QTRT1: variants seen among roughly 807,000 people sequenced by gnomAD.
QTRT1 encodes queuine tRNA-ribosyltransferase catalytic subunit 1, also known as TGT, 43-KD subunit.
In QTRT1, 41 loss-of-function variants were observed where a neutral mutation model predicts 44.0. The ratio of observed to expected loss-of-function variants is 0.93; its 90% confidence interval spans 0.73 to 1.21. The LOEUF (loss-of-function observed/expected upper bound fraction) is 1.21, where lower values mean the gene tolerates loss of function less well. Among genes scored for constraint, QTRT1 ranks in the 50% most tolerant of loss-of-function variants. The probability of loss-of-function intolerance (pLI) is 0.00; values close to 1 mark genes in which losing one functional copy is unlikely to be tolerated. For synonymous variants in QTRT1, 226 were observed against 237.1 expected (o/e 0.95, Z 0.43); for missense variants, 542 against 575.8 (o/e 0.94, Z 0.60).
chr19:10,704,701 C>A (rs561197039), intron 3 of QTRT1, among the ~76,000 whole-genome samples: 3 of 152,164 alleles, frequency 2.0e-5, no homozygotes, highest in African/African-American at 7.2e-5. Context: ...GATTCTCCTG[C>A]CTCAGCCTCC....
intron 5 of QTRT1, among the ~76,000 whole-genome samples, chr19:10,710,581 C>T (rs1041303154): frequency 6.6e-6 from 1 of 151,956 alleles, no homozygotes; most frequent in African/African-American, 2.4e-5. Context: ...TCCCAAAGTG[C>T]TGGGATTACA....
chr19:10,713,229 G>T lies in QTRT1; in HGVS notation c.1171G>T (p.Ala391Ser). 1 of 1,603,412 alleles carries T rather than the reference G, an allele frequency of 6.2e-7. No individual in the cohort carries two copies. The highest frequency in any genetic ancestry group is 8.5e-7 in the Non-Finnish European group (1 of 1,174,874). The change falls in exon 10 of 10, where the codon GCC becomes TCC. Residue 391 changes from alanine (A) to serine (S), a missense_variant. Coordinates refer to ENST00000250237, the MANE Select transcript of QTRT1 (RefSeq NM_031209.3). The surrounding 1 kb of genome is among the most constrained non-coding windows in gnomAD (Gnocchi z 4.3). ...YGDPTLCPTW[A>S]TDALASVGIT... ...GGATCCCACCCTCTGTCCCACCTGG[G>T]CCACTGACGCTCTGGCCTCTGTGGG...
chr19:10,707,197 A>G (rs911070425), intron 3 of QTRT1, 105 bp from the exon 4 acceptor site: 2 of 1,113,418 alleles, frequency 1.8e-6, no homozygotes, highest in Non-Finnish European at 2.7e-6. Context: ...AAGACGGGGG[A>G]TGGGGGGATG....
chr19:10,712,436 TC>T lies in QTRT1; in HGVS notation c.786-114del. 6.9e-7 allele frequency: 1 copy of T among 1,438,978 alleles called. No individual in the cohort carries two copies. Among genetic ancestry groups the T allele is most frequent in the Non-Finnish European group, 9.7e-7 (1 of 1,032,618 alleles). The allele number at this position is 1,438,978 out of a possible 1,614,324, so 89.1% of individuals were successfully genotyped here. ...TGAGGAGACTAGGAAGACATGGCTG[TC>T]CCTTGGGGGCCATTCTGAGGGAATA... On this transcript the variant is annotated intron_variant, in intron 6 of 9. Transcript: ENST00000250237. The surrounding 1 kb of genome is among the most constrained non-coding windows in gnomAD (Gnocchi z 5.6).
chr19:10,709,854 A>G (rs1416515125), intron 5 of QTRT1, among the ~76,000 whole-genome samples: 1 of 151,934 alleles, frequency 6.6e-6, no homozygotes, highest in Non-Finnish European at 1.5e-5. Context: ...ATCTCAAAAA[A>G]AAAAAAATTA....
rs769379843 is a variant in QTRT1, at chr19:10,712,622, G to T, written c.855G>T (p.Arg285=). 7 of 1,610,118 alleles carry T rather than the reference G, an allele frequency of 4.3e-6. No individual in the cohort carries two copies. The African/African-American group carries it at 9.5e-5, about 22-fold the overall frequency. Residue 285 remains arginine, a synonymous_variant, in exon 7 of 10, where the codon CGG becomes CGT. Transcript: ENST00000250237. This position sits in a 1 kb window ranked among gnomAD's most constrained non-coding sequence, Gnocchi z 5.6. ...TGTTCGACTGCGTCTTCCCCACACGGACAGCGGTGAGGCTCTGGCAGAAGG... is the reference window on the plus strand; with the variant it reads ...TGTTCGACTGCGTCTTCCCCACACGTACAGCGGTGAGGCTCTGGCAGAAGG... The part of the protein sequence containing the change: ...CDMFDCVFPT[R]TARFGSALVP...
chr19:10,712,877 A>T lies in QTRT1; in HGVS notation c.971+10A>T, dbSNP rs2068745456. 6.2e-7 allele frequency: 1 copy of T among 1,613,138 alleles called. No individual in the cohort carries two copies. Among genetic ancestry groups the T allele is most frequent in the African/African-American group, 1.3e-5 (1 of 74,924 alleles). The stretch of plus-strand genomic sequence containing the variant: ...GCCCCACGTGCCAAAAGTAGGCAGG[A>T]TGGCACTGGGAGCTGGGGCAGGGCA... On this transcript the variant is annotated intron_variant, in intron 8 of 9. Coordinates refer to ENST00000250237, the MANE Select transcript of QTRT1 (RefSeq NM_031209.3). This position sits in a 1 kb window ranked among gnomAD's most constrained non-coding sequence, Gnocchi z 5.6.
rs141223779 is a variant in QTRT1 at position 10,712,195 on chromosome 19, C to T, written c.681C>T (p.Ile227=). The part of the protein sequence containing the change: ...MTKRDVPGFA[I]GGLSGGESKS... ...AGCGAGACGTGCCTGGCTTCGCCAT[C>T]GGGGGCCTGAGCGGGGGTGAGAGCA... The change falls in exon 6 of 10, where the codon ATC becomes ATT. Residue 227 remains isoleucine, a synonymous_variant. Transcript: ENST00000250237. This position sits in a 1 kb window ranked among gnomAD's most constrained non-coding sequence, Gnocchi z 5.6. 413 of 1,613,760 alleles carry T rather than the reference C, an allele frequency of 2.6e-4. No homozygotes were observed. The highest frequency in any genetic ancestry group is 2.5e-3 in the African/African-American group (186 of 75,064).
intron 3 of QTRT1, 82 bp from the exon 4 acceptor site, chr19:10,707,220 T>G: frequency 2.1e-6 from 3 of 1,405,804 alleles, no homozygotes; most frequent in South Asian, 2.3e-5. Flanking sequence ...CTTGGGGAAG[T>G]CCAACTTGTC....
chr19:10,702,623 G>A lies in QTRT1; in HGVS notation c.451+369G>A, dbSNP rs118137481. 1.5e-4 allele frequency among the ~76,000 whole-genome samples: 23 copies of A among 151,922 alleles called. No homozygotes were observed. The East Asian group carries it at 4.2e-3, about 28-fold the overall frequency. On this transcript the variant is annotated intron_variant, in intron 3 of 9. Transcript: ENST00000250237. ...GTTGGAGACCAGCTTGGGCAATACA[G>A]GGAGACCCTGTCTCTACCAAAATAA...
At chr19:10,704,344 A>C (rs907724978) in intron 3 of QTRT1, among the ~76,000 whole-genome samples, 2 of 151,948 alleles carry the variant, frequency 1.3e-5, no homozygotes, top group African/African-American at 4.8e-5. Context: ...CCCAGGCTGG[A>C]GTGCGGTGGC....
At position 10,701,940 on chromosome 19, in the gene QTRT1, A is replaced by G; in HGVS notation, c.244-10A>G. 1 of 1,614,126 alleles carries G rather than the reference A, an allele frequency of 6.2e-7. No individual in the cohort carries two copies. Among genetic ancestry groups the G allele is most frequent in the South Asian group, 1.1e-5 (1 of 91,092 alleles). On this transcript the variant is annotated splice_polypyrimidine_tract_variant and intron_variant, in intron 1 of 9. Transcript: ENST00000250237. ...CACCCCTAACCTGACACTTTCTTCC[A>G]TCAACCCAGGGACCCGAGCTGATCC...
chr19:10,707,270 TC>T, intron 3 of QTRT1, 31 bp from the exon 4 acceptor site: 1 of 1,611,870 alleles, frequency 6.2e-7, no homozygotes, highest in Non-Finnish European at 8.5e-7. Flanking sequence ...TTGCGGGCTT[TC>T]CCAGTGATGT....
rs200161085 is a variant in QTRT1, at chr19:10,707,620, A to G, written c.646+5A>G. On this transcript the variant is annotated splice_donor_5th_base_variant and intron_variant, in intron 5 of 9. Transcript: ENST00000250237. ...TCCGGGCCACCTGCCTTGAAGGTAG[A>G]GCCATGCGCTGGCAGGCCCAGGGCT... is the stretch of plus-strand genomic sequence containing the variant. The G allele has an allele frequency of 3.2e-5, 51 of 1,586,414 alleles. No individual in the cohort carries two copies. In the East Asian group the frequency reaches 1.1e-3, roughly 36 times the overall value.
chr19:10,708,646 G>C (rs1265281143), intron 5 of QTRT1, among the ~76,000 whole-genome samples: 1 of 151,868 alleles, frequency 6.6e-6, no homozygotes, highest in Non-Finnish European at 1.5e-5. Flanking sequence ...GATCCGACCA[G>C]AGTTGGAGCT....
intron 5 of QTRT1, among the ~76,000 whole-genome samples, chr19:10,710,117 G>A (rs940718408): frequency 4.0e-5 from 6 of 151,132 alleles, no homozygotes; most frequent in Non-Finnish European, 8.9e-5. Flanking sequence ...CCCAGGGGTT[G>A]GTGGCTGCAG....
chr19:10,701,533 C>A lies in QTRT1; in HGVS notation c.73C>A (p.Arg25Ser). The part of the protein sequence containing the change: ...RIMRLVAECS[R>S]SRARAGELWL... ...CATGCGGCTGGTGGCCGAATGCAGC[C>A]GCTCCAGGGCCCGGGCAGGCGAGCT... Residue 25 changes from arginine (R) to serine (S), a missense_variant, in exon 1 of 10, where the codon CGC becomes AGC. Physicochemically the swap from Arg to Ser is moderately radical, Grantham distance 110. Transcript: ENST00000250237. 6.3e-7 allele frequency: 1 copy of A among 1,596,926 alleles called. No homozygotes were observed. The highest frequency in any genetic ancestry group is 8.5e-7 in the Non-Finnish European group (1 of 1,169,994).
At chr19:10,703,993 A>C (rs2068701359) in intron 3 of QTRT1, among the ~76,000 whole-genome samples, 2 of 149,136 alleles carry the variant, frequency 1.3e-5, no homozygotes, top group Admixed American at 1.3e-4. Flanking sequence ...TTACAGGTGC[A>C]TGCCACCACG....
chr19:10,705,361 C>T (rs1486760705), intron 3 of QTRT1, among the ~76,000 whole-genome samples: 1 of 151,682 alleles, frequency 6.6e-6, no homozygotes, highest in Admixed American at 6.6e-5. Flanking sequence ...GCTGCAGCCT[C>T]CCGAGTAGCT....
Sources: gnomAD v4.1 joint callset for allele counts (sites outside exome capture counted in the v4.1 genomes callset) on GRCh38, gnomAD v4.1.1 for gene constraint, Gnocchi (gnomAD v3.1) non-coding constraint, MANE v1.5 for transcripts, NCBI Gene and HGNC (gene_info 2026-07-23, HGNC 2026-07-21) for gene names.